CMSS1: variants seen among roughly 807,000 people sequenced by gnomAD.
CMSS1 encodes the protein cms1 ribosomal small subunit homolog, also known as protein CMSS1.
CMSS1 carries 33 observed loss-of-function variants against 43.5 expected under a neutral mutation model. The ratio of observed to expected loss-of-function variants is 0.76; its 90% CI spans 0.57 to 1.01. The LOEUF (loss-of-function observed/expected upper bound fraction) is 1.01. Ranked by LOEUF, CMSS1 falls within the 50% of genes least tolerant of loss-of-function variation. The pLI, the probability that CMSS1 is intolerant of heterozygous loss-of-function variation, is 0.00. For missense variants in CMSS1, 313 were observed against 326.4 expected (o/e 0.96, Z 0.32); for synonymous variants, 115 against 117.2 (o/e 0.98, Z 0.12).
intron 1 of CMSS1, among the ~76,000 whole-genome samples, chr3:99,866,378 T>A (rs1260174001): frequency 6.6e-6 from 1 of 152,174 alleles, no homozygotes; most frequent in Non-Finnish European, 1.5e-5. Flanking sequence ...GTTTCCTAAC[T>A]TGTTAGTGGG....
chr3:99,850,776 T>C (rs1943649331), intron 1 of CMSS1: 1 of 1,614,230 alleles, frequency 6.2e-7, no homozygotes, highest in Non-Finnish European at 8.5e-7. Flanking sequence ...GGTGAAACTT[T>C]GTGGTCTGCG....
intron 1 of CMSS1, among the ~76,000 whole-genome samples, chr3:100,015,092 A>G (rs1351389307): frequency 6.6e-6 from 1 of 150,916 alleles, no homozygotes; most frequent in Non-Finnish European, 1.5e-5. Flanking sequence ...TAAGGGTCTA[A>G]TTTCATTCTT....
rs2067172426 is a variant in CMSS1 at position 100,179,586 on chromosome 3, T to G, written c.*1198T>G. ...TCCATGTCTCACATCCAGGCCACTCTGATGCAAGGAGTGGGCTCCCAAGGC... is the reference window on the plus strand; with the variant it reads ...TCCATGTCTCACATCCAGGCCACTCGGATGCAAGGAGTGGGCTCCCAAGGC... On this transcript the variant is annotated 3_prime_UTR_variant, in exon 10 of 10. Coordinates refer to ENST00000421999, the MANE Select transcript of CMSS1 (RefSeq NM_032359.4). 1 of 148,706 alleles carries G rather than the reference T, an allele frequency of 6.7e-6. No individual in the cohort carries two copies. 9.2% of individuals were successfully genotyped at this position (148,706 alleles called of 1,614,324 possible).
chr3:99,818,571 A>G (rs572536268), intron 1 of CMSS1, among the ~76,000 whole-genome samples: 59 of 152,328 alleles, frequency 3.9e-4, no homozygotes, highest in African/African-American at 1.3e-3. Context: ...TTGACATATA[A>G]TGTGTGGTAA....
chr3:99,989,337 T>A (rs1249317973), intron 1 of CMSS1, among the ~76,000 whole-genome samples: 7 of 152,186 alleles, frequency 4.6e-5, no homozygotes, highest in African/African-American at 1.7e-4. Context: ...AATGTAGAGG[T>A]GGGGGTGAGG....
chr3:99,856,626 G>C (rs1943980154), intron 1 of CMSS1, among the ~76,000 whole-genome samples: 1 of 152,110 alleles, frequency 6.6e-6, no homozygotes, highest in Non-Finnish European at 1.5e-5. Context: ...ACTTACTGTG[G>C]TTTATCACTA....
chr3:100,075,311 A>T (rs2065832924), intron 1 of CMSS1, among the ~76,000 whole-genome samples: 1 of 152,246 alleles, frequency 6.6e-6, no homozygotes, highest in Non-Finnish European at 1.5e-5. Context: ...TTGCTGCCAC[A>T]GAAATGGATA....
chr3:99,964,922 C>T (rs1708602696), intron 1 of CMSS1, among the ~76,000 whole-genome samples: 1 of 152,122 alleles, frequency 6.6e-6, no homozygotes, highest in African/African-American at 2.4e-5. Context: ...AATAGTTTCC[C>T]AGGCTTTAAG....
chr3:99,948,229 A>T (rs1282832851), intron 1 of CMSS1, among the ~76,000 whole-genome samples: 1 of 152,202 alleles, frequency 6.6e-6, no homozygotes, highest in East Asian at 1.9e-4. Context: ...AAGTTTGTTT[A>T]GAAAAGAGAG....
chr3:100,120,694 C>G lies in CMSS1; in HGVS notation c.65-26279C>G, dbSNP rs549965836. Reference sequence around the variant, plus strand: ...GGTATGAGATTCTCATTTTAATAGGCTAGGTGTTCTGATGTAGGGCTGAGT... The same window carrying G: ...GGTATGAGATTCTCATTTTAATAGGGTAGGTGTTCTGATGTAGGGCTGAGT... On this transcript the variant is annotated intron_variant, in intron 1 of 9. Coordinates refer to ENST00000421999, the MANE Select transcript of CMSS1 (RefSeq NM_032359.4). Among the ~76,000 whole-genome samples, 6 of 140,308 alleles carry G rather than the reference C, an allele frequency of 4.3e-5. No individual in the cohort carries two copies. The East Asian group carries it at 8.6e-4, about 20-fold the overall frequency. 92.0% of individuals were successfully genotyped at this position (140,308 alleles called of 152,430 possible). A position where few individuals can be genotyped will look rare whatever the true frequency, so the allele number is the denominator to read the frequency against.
At chr3:100,006,622 A>G (rs1003934053) in intron 1 of CMSS1, among the ~76,000 whole-genome samples, 3 of 151,974 alleles carry the variant, frequency 2.0e-5, no homozygotes, top group African/African-American at 7.2e-5. Context: ...GAATGATGAG[A>G]ATTCAGCTCA....
chr3:99,881,509 A>T (rs1217737413), intron 1 of CMSS1, among the ~76,000 whole-genome samples: 1 of 151,348 alleles, frequency 6.6e-6, no homozygotes, highest in Admixed American at 6.6e-5. Context: ...GGACCTTGTC[A>T]TATAATTTGT....
intron 1 of CMSS1, 122 bp downstream of exon 1, chr3:99,818,165 C>A: frequency 1.2e-6 from 1 of 827,070 alleles, no homozygotes; most frequent in Non-Finnish European, 1.9e-6. Context: ...GCCTTGGGAG[C>A]GCGCAAGCAT....
chr3:100,076,365 C>A (rs1160436328), intron 1 of CMSS1, among the ~76,000 whole-genome samples: 1 of 152,188 alleles, frequency 6.6e-6, no homozygotes, highest in African/African-American at 2.4e-5. Context: ...CACTTTTGGA[C>A]TTAATAACTG....
chr3:100,040,583 A>C (rs1187333964), intron 1 of CMSS1: 1 of 152,206 alleles, frequency 6.6e-6, no homozygotes, highest in African/African-American at 2.4e-5. Context: ...TAGATGATTA[A>C]TAGACTGAAC....
At position 99,919,783 on chromosome 3, in the gene CMSS1, A is replaced by G. The variant is rs186761298; in HGVS notation, c.64+101740A>G. ...ACTTGTTTATAAAGTTGTTTCAGCC[A>G]AAGGGAGAGGTGGAAGTGCTTTGTT... On this transcript the variant is annotated intron_variant, in intron 1 of 9. Coordinates refer to ENST00000421999, the MANE Select transcript of CMSS1 (RefSeq NM_032359.4). 1.1e-3 allele frequency among the ~76,000 whole-genome samples: 175 copies of G among 152,310 alleles called. 2 individuals carry two copies. The highest frequency in any genetic ancestry group is 3.9e-3 in the South Asian group (19 of 4,820).
At chr3:100,049,964 C>T (rs2065342306) in intron 1 of CMSS1, among the ~76,000 whole-genome samples, 1 of 152,166 alleles carries the variant, frequency 6.6e-6, no homozygotes, top group Non-Finnish European at 1.5e-5. Context: ...GTGACCCTAA[C>T]TTCTGAGTTG....
intron 1 of CMSS1, among the ~76,000 whole-genome samples, chr3:100,109,259 A>G (rs1330166501): frequency 6.6e-6 from 1 of 152,144 alleles, no homozygotes; most frequent in Non-Finnish European, 1.5e-5. Flanking sequence ...AGAATTCCAT[A>G]CAACACCAAA....
At chr3:99,875,922 T>TTTTGAACCTAGAATTCATTGGATGCGC (rs1209920848) in intron 1 of CMSS1, 9 of 387,774 alleles carry the variant, frequency 2.3e-5, no homozygotes, top group Non-Finnish European at 3.2e-5. Context: ...TTGGAAACGG[T>TTTTGAACCTAGAATTCATTGGATGCGC]TTTGAACCTA....
Sources: allele counts gnomAD v4.1 joint callset (sites outside exome capture counted in the v4.1 genomes callset), GRCh38; gene constraint gnomAD v4.1.1; transcripts MANE v1.5; gene names NCBI Gene and HGNC (gene_info 2026-07-23, HGNC 2026-07-21).